Variants in RBFOX1 observed in about 807,000 individuals in gnomAD.
RBFOX1 encodes RNA binding fox-1 homolog 1.
A neutral mutation model predicts 57.7 loss-of-function variants in RBFOX1; 8 were observed. The ratio of observed to expected loss-of-function variants is 0.14; its 90% confidence interval spans 0.08 to 0.25. The LOEUF is 0.25. Among genes scored for constraint, RBFOX1 ranks in the 10% least tolerant of loss-of-function variants. The pLI is 1.00. For synonymous variants in RBFOX1, 326 were observed against 222.4 expected (o/e 1.47, Z -4.15); for missense variants, 611 against 548.5 (o/e 1.11, Z -1.14).
chr16:6,368,539 C>G (rs2089993699), intron 2 of RBFOX1, among the ~76,000 whole-genome samples: 2 of 152,208 alleles, frequency 1.3e-5, no homozygotes, highest in African/African-American at 4.8e-5. Flanking sequence ...ATGGAACCTC[C>G]TTTATTTCTT....
At chr16:7,040,150 A>G (rs942835269) in intron 3 of RBFOX1, among the ~76,000 whole-genome samples, 2 of 151,830 alleles carry the variant, frequency 1.3e-5, no homozygotes, top group African/African-American at 4.8e-5. Context: ...CCTCCCGAGT[A>G]GCTGGGACTA....
intron 1 of RBFOX1, among the ~76,000 whole-genome samples, chr16:5,259,345 A>G (rs1226660356): frequency 1.3e-5 from 2 of 152,152 alleles, no homozygotes; most frequent in African/African-American, 4.8e-5. Flanking sequence ...TATGTTTGCA[A>G]AAGCTCCCAG....
rs114592593 is a variant in RBFOX1 at position 6,427,659 on chromosome 16, A to G, written c.-64+110602A>G. Among the ~76,000 whole-genome samples the G allele has an allele frequency of 3.6e-3, 546 of 152,338 alleles. 4 individuals carry two copies. The highest frequency in any genetic ancestry group is 0.012 in the African/African-American group (500 of 41,568). On this transcript the variant is annotated intron_variant, in intron 2 of 15. Coordinates refer to ENST00000550418, the MANE Select transcript of RBFOX1 (RefSeq NM_018723.4). ...TGGATTATTTTTTGCAAACAATTGT[A>G]TTACCATTATGATATAATGTATTAC...
intron 10 of RBFOX1, among the ~76,000 whole-genome samples, chr16:7,616,544 C>A (rs1049358335): frequency 1.3e-5 from 2 of 152,178 alleles, no homozygotes; most frequent in African/African-American, 4.8e-5. Context: ...TGGTCCAAGG[C>A]CTCAGGCATA....
chr16:6,743,234 A>G (rs2072723837), intron 3 of RBFOX1, among the ~76,000 whole-genome samples: 1 of 152,222 alleles, frequency 6.6e-6, no homozygotes, highest in Non-Finnish European at 1.5e-5. Flanking sequence ...AAAATTTTCA[A>G]TTATTGTGAA....
intron 4 of RBFOX1, among the ~76,000 whole-genome samples, chr16:7,342,346 G>C (rs1485735405): frequency 6.6e-6 from 1 of 152,166 alleles, no homozygotes; most frequent in Non-Finnish European, 1.5e-5. Flanking sequence ...AGACGCATCT[G>C]AGTTGGCATC....
intron 3 of RBFOX1, among the ~76,000 whole-genome samples, chr16:7,041,429 A>C (rs74494929): frequency 6.6e-6 from 1 of 152,014 alleles, no homozygotes; most frequent in Non-Finnish European, 1.5e-5. Context: ...ATGAACCACA[A>C]TTCTTTTAAC....
chr16:6,937,619 G>C (rs535104998), intron 3 of RBFOX1, among the ~76,000 whole-genome samples: 1 of 152,198 alleles, frequency 6.6e-6, no homozygotes, highest in East Asian at 1.9e-4. Flanking sequence ...GATTTACATT[G>C]GTTCGGTCTG....
chr16:7,083,444 G>C (rs2153800859), intron 4 of RBFOX1, among the ~76,000 whole-genome samples: 1 of 152,080 alleles, frequency 6.6e-6, no homozygotes, highest in South Asian at 2.1e-4. Context: ...GCTCACAGAA[G>C]CTTAAGATTA....
chr16:5,426,432 C>G (rs1002370736), intron 1 of RBFOX1, among the ~76,000 whole-genome samples: 1 of 152,176 alleles, frequency 6.6e-6, no homozygotes, highest in Non-Finnish European at 1.5e-5. Context: ...TAAAACCGTA[C>G]CCAGCGTTTG....
At chr16:6,009,572 A>G (rs2094947818) in intron 4 of RBFOX1, among the ~76,000 whole-genome samples, 1 of 152,108 alleles carries the variant, frequency 6.6e-6, no homozygotes, top group Non-Finnish European at 1.5e-5. Flanking sequence ...TGCTTCAGAG[A>G]CAGCCCTGCT....
chr16:6,203,984 T>C (rs2097235628), intron 1 of RBFOX1, among the ~76,000 whole-genome samples: 1 of 151,226 alleles, frequency 6.6e-6, no homozygotes, highest in African/African-American at 2.4e-5. Flanking sequence ...TTGTTTCTTT[T>C]TTTTTTTTTT....
intron 1 of RBFOX1, among the ~76,000 whole-genome samples, chr16:6,132,124 G>C (rs1320455817): frequency 6.6e-6 from 1 of 152,208 alleles, no homozygotes; most frequent in Admixed American, 6.5e-5. Context: ...GACCAATTGA[G>C]AGAGAAGAAA....
chr16:6,306,944 G>A (rs2079578880), intron 1 of RBFOX1, among the ~76,000 whole-genome samples: 1 of 152,104 alleles, frequency 6.6e-6, no homozygotes, highest in Non-Finnish European at 1.5e-5. Flanking sequence ...TGAACTTGGT[G>A]CTTATACCTT....
chr16:7,563,865 C>G (rs912348024), intron 5 of RBFOX1, among the ~76,000 whole-genome samples: 2 of 152,156 alleles, frequency 1.3e-5, no homozygotes. Flanking sequence ...TGTCATTCCA[C>G]TTTCTGATAA....
rs1555787092 is a variant in RBFOX1 at position 7,693,434 on chromosome 16, T to TC, written c.996-15621dup. On this transcript the variant is annotated intron_variant, in intron 14 of 15. Transcript: ENST00000550418. ...CAGTATCCTTTTTTTTTTTTTTTTT[T>TC]CTTCTTCACATGCTGCAGTTGGTCA... The TC allele has an allele frequency of 7.7e-5, 90 of 1,173,022 alleles. No individual in the cohort carries two copies. The African/African-American group carries it at 9.7e-4, about 13-fold the overall frequency. The allele number at this position is 1,173,022 out of a possible 1,614,324, so 72.7% of individuals were successfully genotyped here.
At chr16:5,978,657 G>T (rs1043122020) in intron 4 of RBFOX1, among the ~76,000 whole-genome samples, 5 of 148,680 alleles carry the variant, frequency 3.4e-5, no homozygotes, top group Admixed American at 2.7e-4. Context: ...GTCTCAAAGT[G>T]TTTTTTTTGT....
intron 4 of RBFOX1, among the ~76,000 whole-genome samples, chr16:7,062,893 ATTTTTTTTTTT>A (rs1170936027): frequency 3.4e-4 from 16 of 47,312 alleles, no homozygotes; most frequent in African/African-American, 1.3e-3. Context: ...AATGATCGCC[ATTTTTTTTTTT>A]TTTTTTTTTT....
intron 2 of RBFOX1, among the ~76,000 whole-genome samples, chr16:5,570,706 G>A (rs1174574884): frequency 6.6e-6 from 1 of 151,990 alleles, no homozygotes. Flanking sequence ...TGGGCTTGTT[G>A]GTGCGCACCT....
Sources: gnomAD v4.1 joint callset for allele counts (sites outside exome capture counted in the v4.1 genomes callset) on GRCh38, gnomAD v4.1.1 for gene constraint, MANE v1.5 for transcripts, NCBI Gene and HGNC (gene_info 2026-07-23, HGNC 2026-07-21) for gene names.